Variants in EFCAB6 observed in about 807,000 individuals in gnomAD.
The protein encoded by EFCAB6 is EF-hand calcium binding domain 6.
A neutral mutation model predicts 169.8 loss-of-function variants in EFCAB6; 156 were observed. The observed-to-expected ratio is 0.92, with a 90% CI of 0.81 to 1.05. The LOEUF is 1.05. EFCAB6 is among the 50% of genes least tolerant of loss of function. The probability of loss-of-function intolerance (pLI) is 0.00; values close to 1 mark genes in which losing one functional copy is unlikely to be tolerated. For synonymous variants in EFCAB6, 698 were observed against 676.4 expected, an observed-to-expected ratio of 1.03 and a Z score of -0.50; for missense variants, 1,800 against 1,829.1, an observed-to-expected ratio of 0.98 and a Z score of 0.29.
At chr22:43,659,236 C>G (rs1021323147) in intron 17 of EFCAB6, among the ~76,000 whole-genome samples, 2 of 152,204 alleles carry the variant, frequency 1.3e-5, no homozygotes, top group African/African-American at 4.8e-5. Flanking sequence ...TTCCCCCTCA[C>G]ATAACTGATG....
Position 43,646,591 on chromosome 22 carries a change from T to C in EFCAB6, c.1984-11375A>G, listed in dbSNP as rs117764160. Among the ~76,000 whole-genome samples, 569 of 152,322 alleles carry C rather than the reference T, an allele frequency of 3.7e-3. 3 individuals are homozygous for C. Among genetic ancestry groups the C allele is most frequent in the Non-Finnish European group, 3.6e-3 (243 of 68,022 alleles). ...AGAATGTCATAAATGACAAAGGTAA[T>C]AGTCTAATTCAGTAAGGAAATATAG... On this transcript the variant is annotated intron_variant, in intron 17 of 31. Transcript: ENST00000262726.
intron 3 of EFCAB6, among the ~76,000 whole-genome samples, chr22:43,775,753 C>T (rs370891619): frequency 5.3e-5 from 8 of 152,316 alleles, no homozygotes; most frequent in Admixed American, 6.5e-5. Context: ...CATGCCTGGT[C>T]CTCTTTAGAT....
chr22:43,591,134 T>G (rs1176233185), intron 23 of EFCAB6, among the ~76,000 whole-genome samples: 3 of 144,378 alleles, frequency 2.1e-5, no homozygotes, highest in African/African-American at 7.7e-5. Flanking sequence ...GTTTTTTTTT[T>G]GTTTTTTTTA....
chr22:43,546,280 G>A (rs2048047765), intron 27 of EFCAB6, among the ~76,000 whole-genome samples: 1 of 152,136 alleles, frequency 6.6e-6, no homozygotes, highest in Admixed American at 6.6e-5. Flanking sequence ...AGCAACAGAT[G>A]AGACACAGTT....
chr22:43,632,310 T>TTTTTG (rs2055029181), intron 18 of EFCAB6, 72 bp from the exon 19 acceptor site: 1 of 1,320,152 alleles, frequency 7.6e-7, no homozygotes, highest in African/African-American at 1.6e-5. Flanking sequence ...TTTTTTTTTT[T>TTTTTG]TTTTTTGAGA....
intron 13 of EFCAB6, among the ~76,000 whole-genome samples, chr22:43,677,250 GAGGCAAT>G (rs1451255595): frequency 6.6e-6 from 1 of 152,186 alleles, no homozygotes; most frequent in Non-Finnish European, 1.5e-5. Flanking sequence ...CTAGTCACTA[GAGGCAAT>G]AAGCAGTTAT....
At chr22:43,691,750 T>C (rs1248740268) in intron 10 of EFCAB6, among the ~76,000 whole-genome samples, 1 of 152,182 alleles carries the variant, frequency 6.6e-6, no homozygotes, top group Non-Finnish European at 1.5e-5. Flanking sequence ...AAAATTTGAC[T>C]TCTTCCAATA....
intron 6 of EFCAB6, among the ~76,000 whole-genome samples, chr22:43,754,459 C>T (rs779314361): frequency 1.3e-5 from 2 of 152,204 alleles, no homozygotes; most frequent in Admixed American, 6.5e-5. Context: ...GGCTGGAACA[C>T]ACGGCAGAAA....
chr22:43,701,968 A>G (rs994493219), intron 10 of EFCAB6, among the ~76,000 whole-genome samples: 2 of 152,158 alleles, frequency 1.3e-5, no homozygotes, highest in South Asian at 4.1e-4. Context: ...AATTATTTTA[A>G]AATATTAAAC....
chr22:43,761,657 T>C (rs928994597), intron 5 of EFCAB6, among the ~76,000 whole-genome samples: 12 of 152,262 alleles, frequency 7.9e-5, no homozygotes, highest in African/African-American at 2.9e-4. Context: ...TTTCAAGTGT[T>C]TGGAGACCTG....
At chr22:43,632,294 C>CATTT in intron 18 of EFCAB6, 56 bp from the exon 19 acceptor site, 1 of 1,128,398 alleles carries the variant, frequency 8.9e-7, no homozygotes, top group Admixed American at 3.6e-5. Context: ...TTCATTCCTT[C>CATTT]TTTTTTTTTT....
At chr22:43,580,086 C>T (rs1229971442) in intron 25 of EFCAB6, among the ~76,000 whole-genome samples, 2 of 152,184 alleles carry the variant, frequency 1.3e-5, no homozygotes, top group South Asian at 2.1e-4. Context: ...TGTGCCACAA[C>T]CTGGCTCAGT....
chr22:43,664,827 G>A (rs2057170159), intron 17 of EFCAB6, among the ~76,000 whole-genome samples: 1 of 152,152 alleles, frequency 6.6e-6, no homozygotes, highest in South Asian at 2.1e-4. Flanking sequence ...TGTGTTTGAG[G>A]AGCCCTCGGT....
chr22:43,723,317 C>T (rs1313155525), intron 8 of EFCAB6, among the ~76,000 whole-genome samples: 1 of 152,128 alleles, frequency 6.6e-6, no homozygotes, highest in Non-Finnish European at 1.5e-5. Context: ...ACAGGGCCTA[C>T]TAGAGGAGGA....
chr22:43,764,836 C>T (rs2061275965), intron 5 of EFCAB6, among the ~76,000 whole-genome samples: 1 of 152,062 alleles, frequency 6.6e-6, no homozygotes, highest in African/African-American at 2.4e-5. Flanking sequence ...AAAAGAGTCC[C>T]ATGCTTTATG....
At chr22:43,802,280 A>C (rs529513428) in intron 2 of EFCAB6, among the ~76,000 whole-genome samples, 1 of 152,314 alleles carries the variant, frequency 6.6e-6, no homozygotes, top group South Asian at 2.1e-4. Context: ...CTGTAATCCC[A>C]GCACTTTGGA....
At chr22:43,657,384 A>G (rs1470938008) in intron 17 of EFCAB6, among the ~76,000 whole-genome samples, 3 of 152,186 alleles carry the variant, frequency 2.0e-5, no homozygotes, top group African/African-American at 7.2e-5. Flanking sequence ...AGACTTTAGA[A>G]TCTATTCTCT....
chr22:43,547,734 A>G (rs1431749224), intron 27 of EFCAB6, among the ~76,000 whole-genome samples: 1 of 150,050 alleles, frequency 6.7e-6, no homozygotes, highest in Non-Finnish European at 1.5e-5. Context: ...CACTGCACTC[A>G]AGCCTGGGGA....
At chr22:43,602,546 C>G (rs148898415) in intron 22 of EFCAB6, among the ~76,000 whole-genome samples, 232 of 152,230 alleles carry the variant, frequency 1.5e-3, no homozygotes, top group African/African-American at 5.2e-3. Flanking sequence ...CAGGGCCATG[C>G]CTCTCTCCTT....
Sources: gnomAD v4.1 joint callset for allele counts (sites outside exome capture counted in the v4.1 genomes callset) on GRCh38, gnomAD v4.1.1 for gene constraint, MANE v1.5 for transcripts, NCBI Gene and HGNC (gene_info 2026-07-23, HGNC 2026-07-21) for gene names.